COX4I2: variants seen among roughly 807,000 people sequenced by gnomAD.
The protein encoded by COX4I2 is cytochrome c oxidase subunit 4 isoform 2, mitochondrial.
In COX4I2, 15 loss-of-function variants were observed where a neutral mutation model predicts 20.8. That is an observed-to-expected ratio of 0.72 (90% CI 0.48 to 1.11). COX4I2 has a LOEUF of 1.11. COX4I2 is among the 50% of genes most tolerant of loss of function. The pLI, the probability that COX4I2 is intolerant of heterozygous loss-of-function variation, is 0.00. For missense variants in COX4I2, 224 were observed against 223.0 expected (o/e 1.00, Z -0.03); for synonymous variants, 80 against 78.1 (o/e 1.02, Z -0.13).
At chr20:31,642,068 G>C (rs1225002382) in intron 3 of COX4I2, among the ~76,000 whole-genome samples, 1 of 151,650 alleles carries the variant, frequency 6.6e-6, no homozygotes, top group African/African-American at 2.4e-5. Flanking sequence ...GCTCAGGCTG[G>C]TCTTGAACTC....
intron 2 of COX4I2, 154 bp downstream of exon 2, chr20:31,639,253 A>G (rs552807908): frequency 3.0e-6 from 3 of 985,330 alleles, no homozygotes; most frequent in African/African-American, 3.5e-5. Flanking sequence ...TCCAAGGTCA[A>G]GTTTCTCCAG....
At chr20:31,644,106 C>T (rs1020515066) in intron 4 of COX4I2, among the ~76,000 whole-genome samples, 5 of 152,312 alleles carry the variant, frequency 3.3e-5, no homozygotes, top group African/African-American at 9.6e-5. Context: ...CCACTGTGCC[C>T]GGTGGCCTGT....
At position 31,637,978 on chromosome 20, in the gene COX4I2, G is replaced by A. The variant is rs1472824375; in HGVS notation, c.-1+16G>A. ...AGCCCGCGAGGTGAGTGAGTTGGGG[G>A]AGGACCCCGCCACCCAAGCCCGCGC... On this transcript the variant is annotated intron_variant, in intron 1 of 4. Coordinates refer to ENST00000376075, the MANE Select transcript of COX4I2 (RefSeq NM_032609.3). The A allele has an allele frequency of 2.6e-5, 4 of 152,224 alleles. No individual in the cohort carries two copies. Among genetic ancestry groups the A allele is most frequent in the Admixed American group, 6.5e-5 (1 of 15,290 alleles). The allele number at this position is 152,224 out of a possible 1,614,324, so 9.4% of individuals were successfully genotyped here.
At chr20:31,643,958 G>A (rs2060482282) in intron 4 of COX4I2, among the ~76,000 whole-genome samples, 1 of 152,106 alleles carries the variant, frequency 6.6e-6, no homozygotes, top group Non-Finnish European at 1.5e-5. Context: ...CTACAAGAGT[G>A]TGCCACCACG....
chr20:31,644,754 T>A lies in COX4I2; in HGVS notation c.380-14T>A. 1 of 1,613,800 alleles carries A rather than the reference T, an allele frequency of 6.2e-7. No individual in the cohort carries two copies. The highest frequency in any genetic ancestry group is 1.7e-5 in the Admixed American group (1 of 59,978). ...ACTGGCAGGATCCTGATCCACCCCA[T>A]GTACTCCCTGCAGTATTTCCTCCAA... On this transcript the variant is annotated splice_polypyrimidine_tract_variant and intron_variant, in intron 4 of 4. Coordinates refer to ENST00000376075, the MANE Select transcript of COX4I2 (RefSeq NM_032609.3).
intron 1 of COX4I2, among the ~76,000 whole-genome samples, chr20:31,638,355 C>T (rs1257881551): frequency 6.6e-6 from 1 of 151,548 alleles, no homozygotes; most frequent in African/African-American, 2.4e-5. Flanking sequence ...ATGTGTGTCT[C>T]CCTCCCTCTG....
At chr20:31,640,785 G>T (rs189758003) in intron 3 of COX4I2, among the ~76,000 whole-genome samples, 8 of 152,236 alleles carry the variant, frequency 5.3e-5, no homozygotes, top group Admixed American at 4.6e-4. Context: ...AGTGGGGAAA[G>T]GTTCATGCTT....
intron 3 of COX4I2, 130 bp from the exon 4 acceptor site, chr20:31,643,274 A>C: frequency 9.4e-7 from 1 of 1,062,822 alleles, no homozygotes. Context: ...GTTCCTGGTC[A>C]TGCTGTGCAT....
At position 31,644,903 on chromosome 20, in the gene COX4I2, G is replaced by A. The variant is rs774011526; in HGVS notation, c.515G>A (p.Ter172=). ...WDYEKKQWKK[*] is the part of the protein sequence containing the mutation. ...TATGAGAAGAAGCAGTGGAAGAAGT[G>A]ACTTGCATCCCCAGCTGTCTCCCTG... Residue 172 remains the stop codon, a stop_retained_variant, in exon 5 of 5, where the codon TGA becomes TAA. Coordinates refer to ENST00000376075, the MANE Select transcript of COX4I2 (RefSeq NM_032609.3). 20 of 1,613,444 alleles carry A rather than the reference G, an allele frequency of 1.2e-5. No individual in the cohort carries two copies. The South Asian group carries it at 2.2e-4, about 18-fold the overall frequency.
chr20:31,644,977 C>T lies in COX4I2; in HGVS notation c.*73C>T. 6.4e-7 allele frequency: 1 copy of T among 1,557,804 alleles called. No homozygotes were observed. The highest frequency in any genetic ancestry group is 8.8e-7 in the Non-Finnish European group (1 of 1,142,372). ...TCTGGCGGCCCCTCCCCTCCCCTGC[C>T]CTTAACCCCAGTAAAGCTCCAAAAA... On this transcript the variant is annotated 3_prime_UTR_variant, in exon 5 of 5. Transcript: ENST00000376075.
intron 2 of COX4I2, 63 bp from the exon 3 acceptor site, chr20:31,639,870 T>TTAGATAGTTAG: frequency 1.9e-6 from 3 of 1,582,300 alleles, no homozygotes; most frequent in Non-Finnish European, 2.6e-6. Context: ...TCTTTATTAA[T>TTAGATAGTTAG]ATAGTTAGAG....
intron 1 of COX4I2, among the ~76,000 whole-genome samples, chr20:31,638,284 A>C (rs2060447440): frequency 2.1e-5 from 3 of 142,354 alleles, no homozygotes; most frequent in East Asian, 2.1e-4. Context: ...CCCCTCCCTC[A>C]CTCTATTTGT....
rs1461901105 is a variant in COX4I2, at chr20:31,643,452, C to T, written c.296C>T (p.Ser99Phe). Residue 99 changes from serine to phenylalanine, a missense_variant, in exon 4 of 5, where the codon TCC becomes TTC. By Grantham distance (155) the Ser-to-Phe change is radical. Transcript: ENST00000376075. ...NETFAEMNRR[S>F]NEWKTVMGCV... ...ACCTTTGCGGAGATGAACCGTCGCT[C>T]CAATGAGTGGAAGACAGTGATGGGT... 1 of 1,614,172 alleles carries T rather than the reference C, an allele frequency of 6.2e-7. No individual in the cohort carries two copies. Among genetic ancestry groups the T allele is most frequent in the East Asian group, 2.2e-5 (1 of 44,892 alleles).
chr20:31,643,731 G>A (rs565176172), intron 4 of COX4I2, among the ~76,000 whole-genome samples, 196 bp downstream of exon 4: 31 of 152,264 alleles, frequency 2.0e-4, no homozygotes, highest in Admixed American at 9.8e-4. Flanking sequence ...CCTCAGTTTC[G>A]TCATCTCTAA....
rs143219090 is a variant in COX4I2 at position 31,639,721 on chromosome 20, C to A, written c.83-212C>A. On this transcript the variant is annotated intron_variant, in intron 2 of 4. Coordinates refer to ENST00000376075, the MANE Select transcript of COX4I2 (RefSeq NM_032609.3). ...TATAGGTGCCCACCACTGCGCCCGG[C>A]TAATTTTTGTATTTTTAGTAGAGGA... Among the ~76,000 whole-genome samples the A allele has an allele frequency of 4.6e-5, 7 of 152,048 alleles. No homozygotes were observed. The East Asian group carries it at 1.4e-3, about 29-fold the overall frequency.
intron 3 of COX4I2, among the ~76,000 whole-genome samples, chr20:31,641,704 T>C (rs955893687): frequency 7.9e-5 from 12 of 152,064 alleles, no homozygotes; most frequent in Admixed American, 2.6e-4. Flanking sequence ...CAAACAACTT[T>C]TTTTTTTTCC....
At chr20:31,644,738 A>G (rs2060486170) in intron 4 of COX4I2, 30 bp from the exon 5 acceptor site, 1 of 1,613,380 alleles carries the variant, frequency 6.2e-7, no homozygotes, top group African/African-American at 1.3e-5. Context: ...GACTGGCAGG[A>G]TCCTGATCCA....
In COX4I2 at chr20:31,641,183, A is replaced by T. The variant is rs182418586; in HGVS notation, c.247+1086A>T. Among the ~76,000 whole-genome samples, 325 of 148,986 alleles carry T rather than the reference A, an allele frequency of 2.2e-3. 3 individuals are homozygous for T. The highest frequency in any genetic ancestry group is 6.1e-3 in the African/African-American group (247 of 40,686). On this transcript the variant is annotated intron_variant, in intron 3 of 4. Transcript: ENST00000376075. ...TTAAAGTATAATAATAATAAAATTT[A>T]AAAAAAAAAGAGAAATTGACACTCT...
At chr20:31,643,282 C>CA in intron 3 of COX4I2, 122 bp from the exon 4 acceptor site, 1 of 1,122,548 alleles carries the variant, frequency 8.9e-7, no homozygotes, top group Non-Finnish European at 1.4e-6. Context: ...TCATGCTGTG[C>CA]ATATAGTACG....
Sources: allele counts gnomAD v4.1 joint callset (sites outside exome capture counted in the v4.1 genomes callset), GRCh38; gene constraint gnomAD v4.1.1; transcripts MANE v1.5; gene names NCBI Gene and HGNC (gene_info 2026-07-23, HGNC 2026-07-21).